The following LDLRAD4 variants were observed in gnomAD, a reference collection of about 807,000 sequenced individuals.
The protein encoded by LDLRAD4 is low-density lipoprotein receptor class A domain-containing protein 4.
A neutral mutation model predicts 17.0 loss-of-function variants in LDLRAD4; 5 were observed. The observed-to-expected ratio is 0.29, with a 90% CI of 0.15 to 0.62. The LOEUF is 0.62. Ranked by LOEUF, LDLRAD4 falls within the 20% of genes least tolerant of loss-of-function variation. LDLRAD4 has a pLI of 0.84. For missense variants in LDLRAD4, 340 were observed against 424.7 expected (o/e 0.80, Z 1.75); for synonymous variants, 168 against 171.8 (o/e 0.98, Z 0.17).
At chr18:13,530,769 T>C (rs1032778957) in intron 3 of LDLRAD4, among the ~76,000 whole-genome samples, 1 of 151,742 alleles carries the variant, frequency 6.6e-6, no homozygotes, top group Admixed American at 6.6e-5. Context: ...GAGCTGTGGC[T>C]CCTGCTGCCT....
intron 3 of LDLRAD4, among the ~76,000 whole-genome samples, chr18:13,610,305 T>TTTTTTTCTA (rs1491536129): frequency 8.2e-5 from 2 of 24,328 alleles, no homozygotes; most frequent in Non-Finnish European, 1.7e-4. Flanking sequence ...TTTTTTTTTT[T>TTTTTTTCTA]GAGACGGAGT....
chr18:13,410,430 G>A (rs1008815121), intron 2 of LDLRAD4, among the ~76,000 whole-genome samples: 1 of 152,236 alleles, frequency 6.6e-6, no homozygotes, highest in Non-Finnish European at 1.5e-5. Context: ...GTTAAGGAGA[G>A]TAGACAGGAA....
chr18:13,545,906 T>A (rs1379213667), intron 3 of LDLRAD4, among the ~76,000 whole-genome samples: 1 of 152,040 alleles, frequency 6.6e-6, no homozygotes, highest in African/African-American at 2.4e-5. Flanking sequence ...ATTTGGGAAG[T>A]CATAGTCACA....
intron 1 of LDLRAD4, among the ~76,000 whole-genome samples, chr18:13,243,117 A>C (rs953064468): frequency 6.6e-6 from 1 of 152,220 alleles, no homozygotes; most frequent in African/African-American, 2.4e-5. Flanking sequence ...AGCTGATCTT[A>C]GTTTTCCAGT....
At chr18:13,498,862 CCTT>C (rs2093544947) in intron 3 of LDLRAD4, among the ~76,000 whole-genome samples, 1 of 147,058 alleles carries the variant, frequency 6.8e-6, no homozygotes, top group African/African-American at 2.5e-5. Flanking sequence ...ACTGGAGAAT[CCTT>C]CTCGCCACAC....
At chr18:13,319,892 A>G (rs2081128252) in intron 1 of LDLRAD4, among the ~76,000 whole-genome samples, 1 of 152,236 alleles carries the variant, frequency 6.6e-6, no homozygotes, top group Non-Finnish European at 1.5e-5. Flanking sequence ...ATGAGACATT[A>G]CTTGAGGCCA....
chr18:13,322,814 G>A (rs1385883663), intron 1 of LDLRAD4, among the ~76,000 whole-genome samples: 2 of 148,070 alleles, frequency 1.4e-5, no homozygotes, highest in African/African-American at 2.5e-5. Flanking sequence ...TGATGGAGAC[G>A]GGATTTTACC....
chr18:13,326,263 A>AAGGCTCGGAAGAGGGGCAGGTGGGC (rs2081531839), intron 1 of LDLRAD4, among the ~76,000 whole-genome samples: 2 of 152,088 alleles, frequency 1.3e-5, no homozygotes, highest in Admixed American at 1.3e-4. Context: ...TAAAGGGGGG[A>AAGGCTCGGAAGAGGGGCAGGTGGGC]AGGCTCGGAA....
chr18:13,596,776 T>C (rs1323528589), intron 3 of LDLRAD4, among the ~76,000 whole-genome samples: 1 of 152,212 alleles, frequency 6.6e-6, no homozygotes, highest in Non-Finnish European at 1.5e-5. Flanking sequence ...TTTGTTCCTG[T>C]GGATTTGAGT....
intron 2 of LDLRAD4, among the ~76,000 whole-genome samples, chr18:13,421,619 G>T (rs571887846): frequency 2.0e-4 from 31 of 152,150 alleles, no homozygotes; most frequent in Non-Finnish European, 3.7e-4. Context: ...GCCTTCACGC[G>T]TCAGAAGGCA....
At chr18:13,608,589 C>T (rs1462423171) in intron 3 of LDLRAD4, among the ~76,000 whole-genome samples, 3 of 152,200 alleles carry the variant, frequency 2.0e-5, no homozygotes, top group East Asian at 3.8e-4. Flanking sequence ...TGATCACCTC[C>T]AATCAAATCC....
At chr18:13,441,828 A>G (rs2091041422) in intron 3 of LDLRAD4, among the ~76,000 whole-genome samples, 1 of 152,338 alleles carries the variant, frequency 6.6e-6, no homozygotes, top group Non-Finnish European at 1.5e-5. Context: ...AGTGGGTTTC[A>G]TCTGCCTTTT....
chr18:13,447,759 G>A (rs961911667), intron 3 of LDLRAD4, among the ~76,000 whole-genome samples: 3 of 152,132 alleles, frequency 2.0e-5, no homozygotes, highest in African/African-American at 4.8e-5. Context: ...ATGGGAGAAG[G>A]GGGAGGGAAA....
At chr18:13,610,305 T>TTTTTTTTTC (rs1491536129) in intron 3 of LDLRAD4, among the ~76,000 whole-genome samples, 389 of 24,360 alleles carry the variant, frequency 0.016, 128 homozygotes, top group South Asian at 0.024. Flanking sequence ...TTTTTTTTTT[T>TTTTTTTTTC]GAGACGGAGT....
chr18:13,335,160 G>T (rs956520668), intron 1 of LDLRAD4, among the ~76,000 whole-genome samples: 10 of 151,970 alleles, frequency 6.6e-5, no homozygotes, highest in African/African-American at 2.4e-4. Flanking sequence ...TTTGATATTT[G>T]TATTTTTCCT....
At chr18:13,568,820 A>G (rs185503996) in intron 3 of LDLRAD4, among the ~76,000 whole-genome samples, 1 of 152,292 alleles carries the variant, frequency 6.6e-6, no homozygotes, top group East Asian at 1.9e-4. Flanking sequence ...TTATCAAGTT[A>G]TTTAAATTTA....
At chr18:13,239,010 A>C (rs1343727310) in intron 1 of LDLRAD4, among the ~76,000 whole-genome samples, 2 of 151,766 alleles carry the variant, frequency 1.3e-5, no homozygotes, top group Non-Finnish European at 2.9e-5. Context: ...ACATGGTGAA[A>C]CCCTGTCTCT....
chr18:13,342,597 A>T (rs980600441), intron 1 of LDLRAD4, among the ~76,000 whole-genome samples: 1 of 140,740 alleles, frequency 7.1e-6, no homozygotes, highest in Non-Finnish European at 1.5e-5. Context: ...TTTGTCCCTT[A>T]TAATAGTTTT....
chr18:13,358,327 A>G (rs1390813310), intron 1 of LDLRAD4, among the ~76,000 whole-genome samples: 2 of 152,062 alleles, frequency 1.3e-5, no homozygotes, highest in African/African-American at 2.4e-5. Flanking sequence ...TCTAGATTAT[A>G]TATATCTAGA....
Sources: gnomAD v4.1 joint callset for allele counts (sites outside exome capture counted in the v4.1 genomes callset) on GRCh38, gnomAD v4.1.1 for gene constraint, MANE v1.5 for transcripts, NCBI Gene and HGNC (gene_info 2026-07-23, HGNC 2026-07-21) for gene names.